RP1: variants seen among roughly 807,000 people sequenced by gnomAD.
RP1 encodes oxygen-regulated protein 1.
Under a neutral mutation model 14.8 loss-of-function variants are expected in RP1, and 16 were observed. The observed-to-expected ratio is 1.08, with a 90% CI of 0.73 to 1.65. The LOEUF (loss-of-function observed/expected upper bound fraction) is 1.65. RP1 is among the 40% of genes most tolerant of loss of function. The pLI, the probability that RP1 is intolerant of heterozygous loss-of-function variation, is 0.00. For synonymous variants in RP1, 876 were observed against 883.6 expected, an observed-to-expected ratio of 0.99 and a Z score of 0.15; for missense variants, 2,631 against 2,535.0, an observed-to-expected ratio of 1.04 and a Z score of -0.81.
chr8:54,772,713 A>AGT (rs1485326833), downstream of RP1, among the ~76,000 whole-genome samples: 1 of 152,212 alleles, frequency 6.6e-6, no homozygotes, highest in Admixed American at 6.5e-5. Context: ...TTTGAATGCA[A>AGT]GTGGTTCAAC....
At chr8:54,811,732 C>A (rs180801354) in intron 24 of RP1, among the ~76,000 whole-genome samples, 3 of 152,262 alleles carry the variant, frequency 2.0e-5, no homozygotes, top group East Asian at 3.9e-4. Flanking sequence ...GTTGGGTGTG[C>A]GAAACATTCA....
intron 19 of RP1, among the ~76,000 whole-genome samples, chr8:54,748,628 G>T (rs1278234660): frequency 6.6e-6 from 1 of 152,130 alleles, no homozygotes; most frequent in Admixed American, 6.5e-5. Context: ...AAAATGTTCC[G>T]TATGAACACA....
At chr8:54,844,873 G>GGGTC (rs1412419124) in intron 25 of RP1, among the ~76,000 whole-genome samples, 1 of 152,102 alleles carries the variant, frequency 6.6e-6, no homozygotes, top group Admixed American at 6.5e-5. Flanking sequence ...TGGCGCCACT[G>GGGTC]GGTCACTCTG....
chr8:54,762,341 C>T (rs926364608), intron 22 of RP1, among the ~76,000 whole-genome samples: 2 of 152,080 alleles, frequency 1.3e-5, no homozygotes, highest in Non-Finnish European at 2.9e-5. Context: ...AAAGCAGAGC[C>T]GCGTGAGGAG....
chr8:54,625,233 A>G lies in RP1; in HGVS notation c.1351A>G (p.Thr451Ala), dbSNP rs1271900949. 2 of 1,614,176 alleles carry G rather than the reference A, an allele frequency of 1.2e-6. No homozygotes were observed. The highest frequency in any genetic ancestry group is 1.7e-6 in the Non-Finnish European group (2 of 1,180,036). The part of the protein sequence containing the change: ...QAKHRFYRPP[T>A]PGLRRVRQKK... ...AAAGCATCGTTTTTATAGGCCCCCT[A>G]CACCTGGACTAAGAAGAGTGAGACA... is the stretch of plus-strand genomic sequence containing the variant. Residue 451 changes from threonine to alanine, a missense_variant, in exon 4 of 4, where the codon ACA becomes GCA. By Grantham distance (58) the Thr-to-Ala change is moderately conservative. Coordinates refer to ENST00000220676, the MANE Select transcript of RP1 (RefSeq NM_006269.2).
chr8:54,870,234 C>G (rs912522884), exon 29 of RP1: 1 of 272,280 alleles, frequency 3.7e-6, no homozygotes, highest in Non-Finnish European at 6.8e-6. Context: ...CACTCTTCCC[C>G]TCCCTCCTCT....
exon 29 of RP1, chr8:54,869,917 G>A (rs930110561): frequency 2.4e-5 from 29 of 1,231,418 alleles, no homozygotes; most frequent in East Asian, 3.2e-5. Context: ...AGTGCAGTAG[G>A]AGAGACTGGG....
intron 12 of RP1, among the ~76,000 whole-genome samples, chr8:54,680,817 G>A (rs994664490): frequency 1.3e-5 from 2 of 152,026 alleles, no homozygotes; most frequent in Non-Finnish European, 2.9e-5. Context: ...AATTAGCCGG[G>A]CGTGGTGGTG....
At chr8:54,788,218 G>A (rs553111010) in intron 24 of RP1, among the ~76,000 whole-genome samples, 2 of 152,262 alleles carry the variant, frequency 1.3e-5, no homozygotes, top group South Asian at 4.1e-4. Flanking sequence ...GCTGGAGTAG[G>A]AGGAAGGAAT....
chr8:54,609,562 A>T (rs1015858152), intron 1 of RP1, among the ~76,000 whole-genome samples: 2 of 152,188 alleles, frequency 1.3e-5, no homozygotes, highest in African/African-American at 4.8e-5. Context: ...CAGGTTCTCA[A>T]TGCCCCCCAC....
chr8:54,860,544 G>C (rs920910151), intron 27 of RP1, among the ~76,000 whole-genome samples: 5 of 152,208 alleles, frequency 3.3e-5, no homozygotes, highest in African/African-American at 1.2e-4. Flanking sequence ...GCCCACCCCA[G>C]AGATTCTGCC....
At chr8:54,779,715 A>C (rs1394558606) in intron 23 of RP1, among the ~76,000 whole-genome samples, 1 of 152,218 alleles carries the variant, frequency 6.6e-6, no homozygotes, top group Non-Finnish European at 1.5e-5. Context: ...ATTGGGAAGG[A>C]AACAGTTAAT....
intron 15 of RP1, among the ~76,000 whole-genome samples, chr8:54,718,529 C>T (rs750813206): frequency 1.3e-5 from 2 of 152,186 alleles, no homozygotes; most frequent in African/African-American, 2.4e-5. Context: ...ACAAACGAAT[C>T]TAGACCCAGA....
chr8:54,590,802 C>T (rs1229284921), intron 1 of RP1, among the ~76,000 whole-genome samples: 2 of 152,174 alleles, frequency 1.3e-5, no homozygotes, highest in East Asian at 1.9e-4. Flanking sequence ...AGATAGCCAA[C>T]TGTCTACCTG....
intron 24 of RP1, among the ~76,000 whole-genome samples, chr8:54,831,779 A>C (rs770963590): frequency 6.6e-6 from 1 of 151,548 alleles, no homozygotes; most frequent in Non-Finnish European, 1.5e-5. Flanking sequence ...TTACATGTCC[A>C]TCTTGTATTA....
At chr8:54,848,473 C>T (rs1811981015) in intron 25 of RP1, among the ~76,000 whole-genome samples, 1 of 152,136 alleles carries the variant, frequency 6.6e-6, no homozygotes, top group South Asian at 2.1e-4. Context: ...GATATAGCTG[C>T]AGATAACACA....
intron 25 of RP1, among the ~76,000 whole-genome samples, chr8:54,841,496 G>T (rs1021647836): frequency 2.6e-4 from 39 of 152,138 alleles, no homozygotes; most frequent in African/African-American, 8.9e-4. Context: ...TATTTTCAAA[G>T]GATTGCTGGA....
chr8:54,602,916 C>G (rs1382708995), intron 1 of RP1, among the ~76,000 whole-genome samples: 1 of 152,094 alleles, frequency 6.6e-6, no homozygotes, highest in Non-Finnish European at 1.5e-5. Context: ...TGTTTGAGGT[C>G]ATTGTAGATT....
chr8:54,630,476 A>G lies in RP1; in HGVS notation c.*123A>G. The G allele has an allele frequency of 6.6e-7, 1 of 1,509,600 alleles. No homozygotes were observed. Among genetic ancestry groups the G allele is most frequent in the South Asian group, 1.3e-5 (1 of 75,712 alleles). 93.5% of individuals were successfully genotyped at this position (1,509,600 alleles called of 1,614,324 possible). On this transcript the variant is annotated 3_prime_UTR_variant, in exon 4 of 4. Transcript: ENST00000220676. ...CACTTCTTCAAAATGAACTTACTCT[A>G]GAAAGCTTACCCTTGGATAACCAGT... is the stretch of plus-strand genomic sequence containing the variant.
Sources: allele counts gnomAD v4.1 joint callset (sites outside exome capture counted in the v4.1 genomes callset), GRCh38; gene constraint gnomAD v4.1.1; transcripts MANE v1.5; gene names NCBI Gene and HGNC (gene_info 2026-07-23, HGNC 2026-07-21).